Variants in ZBTB17 observed in about 807,000 individuals in gnomAD.
ZBTB17 encodes zinc finger and BTB domain containing 17.
In ZBTB17, 24 loss-of-function variants were observed where a neutral mutation model predicts 85.1. The observed-to-expected ratio is 0.28, with a 90% CI of 0.20 to 0.40. The LOEUF (loss-of-function observed/expected upper bound fraction) is 0.40, where lower values mean the gene tolerates loss of function less well. Ranked by LOEUF, ZBTB17 falls within the 10% of genes least tolerant of loss-of-function variation. ZBTB17 has a pLI of 1.00. For synonymous variants in ZBTB17, 464 were observed against 460.2 expected (o/e 1.01, Z -0.11); for missense variants, 743 against 1,105.1 (o/e 0.67, Z 4.65).
chr1:15,950,620 A>T (rs2071798695), intron 2 of ZBTB17, among the ~76,000 whole-genome samples: 1 of 152,198 alleles, frequency 6.6e-6, no homozygotes, highest in Non-Finnish European at 1.5e-5. Flanking sequence ...AGTGAGGCCC[A>T]ACCCTTCTCT....
Position 15,948,271 on chromosome 1 carries a change from C to A in ZBTB17, c.205+20G>T, listed in dbSNP as rs1260916409. 3.1e-6 allele frequency: 5 copies of A among 1,613,458 alleles called. No individual in the cohort carries two copies. The highest frequency in any genetic ancestry group is 4.2e-6 in the Non-Finnish European group (5 of 1,179,926). On this transcript the variant is annotated intron_variant, in intron 3 of 15. Transcript: ENST00000375743. ...AGCTTCTGGCTATCAGCAAGCTCAGCCCCAGCCCTGACGGGGTACCTGCCG... is the reference window on the plus strand; with the variant it reads ...AGCTTCTGGCTATCAGCAAGCTCAGACCCAGCCCTGACGGGGTACCTGCCG...
In ZBTB17 at chr1:15,943,660, G is replaced by T. The variant is rs1172626315; in HGVS notation, c.1515C>A (p.Ile505=). 1 of 1,613,042 alleles carries T rather than the reference G, an allele frequency of 6.2e-7. No homozygotes were observed. Residue 505 remains isoleucine (I), a synonymous_variant, in exon 11 of 16, where the codon ATC becomes ATA. Coordinates refer to ENST00000375743, the MANE Select transcript of ZBTB17 (RefSeq NM_003443.3). ...IHSGEKPYVC[I]HCQRQFADPG... Reference sequence around the variant, plus strand: ...GGTCTGCAAACTGTCGCTGGCAGTGGATGCACACGTAGGGCTTCTCCCCGC... The same window carrying T: ...GGTCTGCAAACTGTCGCTGGCAGTGTATGCACACGTAGGGCTTCTCCCCGC...
intron 2 of ZBTB17, among the ~76,000 whole-genome samples, chr1:15,967,612 AT>A (rs2072492113): frequency 1.3e-5 from 2 of 152,024 alleles, no homozygotes; most frequent in East Asian, 1.9e-4. Flanking sequence ...TTGTGCATGC[AT>A]TCCCATAGTA....
chr1:15,945,617 G>C, intron 6 of ZBTB17, 98 bp downstream of exon 6: 1 of 1,528,462 alleles, frequency 6.5e-7, no homozygotes, highest in African/African-American at 1.4e-5. Context: ...GGTGGGACTA[G>C]CTGGAGGCAG....
intron 6 of ZBTB17, 79 bp downstream of exon 6, chr1:15,945,636 G>A (rs925751993): frequency 1.3e-6 from 2 of 1,570,436 alleles, no homozygotes; most frequent in African/African-American, 2.7e-5. Flanking sequence ...AGGAGGAGAG[G>A]GAGGCCCCAG....
At position 15,945,725 on chromosome 1, in the gene ZBTB17, G is replaced by T; in HGVS notation, c.651C>A (p.Ser217Arg). 1 of 1,607,194 alleles carries T rather than the reference G, an allele frequency of 6.2e-7. No individual in the cohort carries two copies. The change falls in exon 6 of 16, where the codon AGC becomes AGA. Residue 217 changes from serine to arginine, a missense_variant. Ser to Arg is a moderately radical substitution (Grantham distance 110). Transcript: ENST00000375743. Reference sequence around the variant, plus strand: ...GCTGGGCGGGGCTACCTTGCTCCGAGCTCTCGGACAAAGCGGCCTCAGCTT... The same window carrying T: ...GCTGGGCGGGGCTACCTTGCTCCGATCTCTCGGACAAAGCGGCCTCAGCTT... ...AAEAEAALSE[S>R]SEQEMEVEPA...
rs904759292 is a variant in ZBTB17, at chr1:15,964,641, TG to T, written c.-3+8397del. ...CTGAGGCGGAAGGATAGCTTAAGCC[TG>T]GGAGGTCAAGGCTGTAGTGAGCCAA... On this transcript the variant is annotated intron_variant, in intron 2 of 15. Coordinates refer to ENST00000375743, the MANE Select transcript of ZBTB17 (RefSeq NM_003443.3). The surrounding 1 kb of genome is among the most constrained non-coding windows in gnomAD (Gnocchi z 4.3). Among the ~76,000 whole-genome samples the T allele has an allele frequency of 1.3e-5, 2 of 152,080 alleles. No individual in the cohort carries two copies. Among genetic ancestry groups the T allele is most frequent in the African/African-American group, 4.8e-5 (2 of 41,380 alleles).
intron 5 of ZBTB17, 93 bp downstream of exon 5, chr1:15,946,061 G>A (rs772729371): frequency 6.9e-6 from 11 of 1,585,488 alleles, no homozygotes; most frequent in African/African-American, 4.0e-5. Context: ...GCAGGTGCCC[G>A]TGCTACCTGC....
chr1:15,942,986 G>A (rs1022718994), intron 13 of ZBTB17, 78 bp downstream of exon 13: 31 of 1,581,032 alleles, frequency 2.0e-5, no homozygotes, highest in Non-Finnish European at 2.7e-5. Flanking sequence ...GGGGTCTGGG[G>A]GGTCCCTTCC....
intron 2 of ZBTB17, among the ~76,000 whole-genome samples, chr1:15,949,594 C>T (rs965797216): frequency 1.3e-5 from 2 of 152,244 alleles, no homozygotes; most frequent in Non-Finnish European, 2.9e-5. Flanking sequence ...GGGGCTGGCT[C>T]CCCGGCTTCT....
Position 15,975,650 on chromosome 1 carries a change from A to T in ZBTB17, c.-90+333T>A, listed in dbSNP as rs2072846598. On this transcript the variant is annotated intron_variant, in intron 1 of 15. Coordinates refer to ENST00000375743, the MANE Select transcript of ZBTB17 (RefSeq NM_003443.3). ...CGGCCGCAGAACGCCCACCCTCGAC[A>T]GCGCGCGGGGTCAAGGGGCGGTGAC... Among the ~76,000 whole-genome samples, 4 of 150,562 alleles carry T rather than the reference A, an allele frequency of 2.7e-5. 1 individual carries two copies. The South Asian group carries it at 8.4e-4, about 32-fold the overall frequency.
intron 2 of ZBTB17, chr1:15,970,313 A>C (rs2072599415): frequency 3.8e-6 from 1 of 259,786 alleles, no homozygotes; most frequent in East Asian, 1.0e-4. Flanking sequence ...TGATGCTGAG[A>C]AGGAAAAATA....
chr1:15,947,729 T>C (rs1375520252), intron 3 of ZBTB17, among the ~76,000 whole-genome samples: 1 of 152,186 alleles, frequency 6.6e-6, no homozygotes, highest in Non-Finnish European at 1.5e-5. Context: ...CAACTCTCTA[T>C]CTGACTGACC....
chr1:15,970,668 A>G (rs140362926), intron 2 of ZBTB17, among the ~76,000 whole-genome samples: 2,898 of 151,354 alleles, frequency 0.019, 81 homozygotes, highest in African/African-American at 0.066. Context: ...CTTGCCTCAG[A>G]CTCCTGAGTA....
chr1:15,944,528 C>A lies in ZBTB17; in HGVS notation c.1143G>T (p.Lys381Asn). 6.3e-7 allele frequency: 1 copy of A among 1,595,482 alleles called. No homozygotes were observed. The highest frequency in any genetic ancestry group is 8.5e-7 in the Non-Finnish European group (1 of 1,175,758). Residue 381 changes from lysine to asparagine, a missense_variant, in exon 9 of 16, where the codon AAG becomes AAT. Physicochemically the swap from Lys to Asn is moderately conservative, Grantham distance 94. This residue lies in a region of ZBTB17 where 321 missense variants were observed against 615.7 expected (regional missense o/e 0.52). Coordinates refer to ENST00000375743, the MANE Select transcript of ZBTB17 (RefSeq NM_003443.3). ...AGCGCGCCTCGCCCGAGTGCCGCTT[C>A]TTGTGCAGGTTCAGCAGGCTGATGA... ...YRLISLLNLH[K>N]KRHSGEARYR...
At chr1:15,975,613 TG>T (rs2072843895) in intron 1 of ZBTB17, among the ~76,000 whole-genome samples, 2 of 147,780 alleles carry the variant, frequency 1.4e-5, no homozygotes, top group East Asian at 4.3e-4. Context: ...GCCCCGGCAC[TG>T]CGCTCCCTCG....
intron 2 of ZBTB17, among the ~76,000 whole-genome samples, chr1:15,972,542 T>C (rs773726128): frequency 2.0e-5 from 3 of 152,166 alleles, no homozygotes; most frequent in Non-Finnish European, 2.9e-5. Flanking sequence ...CATTAGAACT[T>C]TAAAAGGAAT....
intron 2 of ZBTB17, among the ~76,000 whole-genome samples, chr1:15,957,178 C>CAA (rs34574727): frequency 1.8e-4 from 16 of 87,368 alleles, no homozygotes; most frequent in African/African-American, 4.1e-4. Flanking sequence ...GACTCCATCT[C>CAA]AAAAAAAAAA....
At chr1:15,957,622 A>G (rs2072098007) in intron 2 of ZBTB17, among the ~76,000 whole-genome samples, 2 of 152,210 alleles carry the variant, frequency 1.3e-5, no homozygotes, top group African/African-American at 4.8e-5. Flanking sequence ...CTCTGACTGC[A>G]GTGCAAAGAC....
Sources: allele counts gnomAD v4.1 joint callset (sites outside exome capture counted in the v4.1 genomes callset), GRCh38; gene constraint gnomAD v4.1.1; regional missense constraint gnomAD v4.1.1; non-coding constraint Gnocchi (gnomAD v3.1); transcripts MANE v1.5; gene names NCBI Gene and HGNC (gene_info 2026-07-23, HGNC 2026-07-21).